PAK5: variants seen among roughly 807,000 people sequenced by gnomAD.
PAK5 encodes the protein serine/threonine-protein kinase PAK 5.
Under a neutral mutation model 65.9 loss-of-function variants are expected in PAK5, and 16 were observed. That is an observed-to-expected ratio of 0.24 (90% CI 0.16 to 0.37). The LOEUF is 0.37. Among genes scored for constraint, PAK5 ranks in the 10% least tolerant of loss-of-function variants. The pLI, the probability that PAK5 is intolerant of heterozygous loss-of-function variation, is 1.00. For synonymous variants in PAK5, 371 were observed against 354.9 expected (o/e 1.05, Z -0.51); for missense variants, 785 against 903.9 (o/e 0.87, Z 1.69).
intron 1 of PAK5, among the ~76,000 whole-genome samples, chr20:9,771,762 G>A (rs1049967015): frequency 2.6e-5 from 4 of 151,960 alleles, no homozygotes; most frequent in African/African-American, 9.7e-5. Flanking sequence ...TTGCCATCAA[G>A]GAACAGTGGC....
intron 3 of PAK5, among the ~76,000 whole-genome samples, chr20:9,620,359 G>C (rs912129315): frequency 1.3e-5 from 2 of 152,262 alleles, no homozygotes; most frequent in Non-Finnish European, 2.9e-5. Flanking sequence ...GGTCTCTTCA[G>C]AAGGATTGCG....
Position 9,643,994 on chromosome 20 carries a change from A to G in PAK5, c.204+131T>C, listed in dbSNP as rs1385221868. On this transcript the variant is annotated intron_variant, in intron 3 of 9. Coordinates refer to ENST00000353224, the MANE Select transcript of PAK5 (RefSeq NM_177990.4). ...TGAAAATTATAATCATGAAAGAATA[A>G]TTGTGAATAATCTGTGAATGTTAAA... 8.7e-6 allele frequency: 6 copies of G among 689,756 alleles called. No individual in the cohort carries two copies. The African/African-American group carries it at 1.1e-4, about 13-fold the overall frequency. 42.7% of individuals were successfully genotyped at this position (689,756 alleles called of 1,614,324 possible).
intron 3 of PAK5, among the ~76,000 whole-genome samples, chr20:9,615,956 C>A (rs553016353): frequency 6.6e-6 from 1 of 152,140 alleles, no homozygotes; most frequent in Admixed American, 6.5e-5. Flanking sequence ...CCAAGAAAAC[C>A]GGTGAAAGCT....
chr20:9,691,229 G>A (rs915148109), intron 2 of PAK5, among the ~76,000 whole-genome samples: 1 of 152,128 alleles, frequency 6.6e-6, no homozygotes, highest in African/African-American at 2.4e-5. Context: ...AAACGCAGGG[G>A]TCCCTGAGTT....
intron 2 of PAK5, among the ~76,000 whole-genome samples, chr20:9,706,003 T>C (rs1216871721): frequency 6.6e-6 from 1 of 152,118 alleles, no homozygotes; most frequent in Non-Finnish European, 1.5e-5. Context: ...TGAAAGTGGC[T>C]AGGGAAAACT....
At chr20:9,700,555 G>A (rs143970719) in intron 2 of PAK5, among the ~76,000 whole-genome samples, 102 of 152,188 alleles carry the variant, frequency 6.7e-4, no homozygotes, top group East Asian at 3.7e-3. Flanking sequence ...TTTTCCTTGG[G>A]TATACACTTA....
At position 9,569,055 on chromosome 20, in the gene PAK5, A is replaced by T. The variant is rs796393754; in HGVS notation, c.991-2671T>A. Among the ~76,000 whole-genome samples the T allele has an allele frequency of 8.5e-5, 13 of 152,338 alleles. No individual in the cohort carries two copies. In the East Asian group the frequency reaches 2.3e-3, roughly 27 times the overall value. Reference sequence around the variant, plus strand: ...GAGAGATTCCAAGACAGAACCAATCAATCAGCTAAGCCCTCTCAATTTGTG... The same window carrying T: ...GAGAGATTCCAAGACAGAACCAATCTATCAGCTAAGCCCTCTCAATTTGTG... On this transcript the variant is annotated intron_variant, in intron 4 of 9. Coordinates refer to ENST00000353224, the MANE Select transcript of PAK5 (RefSeq NM_177990.4).
intron 1 of PAK5, among the ~76,000 whole-genome samples, chr20:9,832,830 T>C (rs1171671640): frequency 6.6e-6 from 1 of 152,218 alleles, no homozygotes; most frequent in African/African-American, 2.4e-5. Flanking sequence ...AATTATGCAT[T>C]CAGATATTTG....
At chr20:9,812,994 C>T in intron 1 of PAK5, among the ~76,000 whole-genome samples, 1 of 151,986 alleles carries the variant, frequency 6.6e-6, no homozygotes. Context: ...TAACTTAAAG[C>T]TAAAAAATCT....
intron 1 of PAK5, among the ~76,000 whole-genome samples, chr20:9,798,300 G>T (rs1374623608): frequency 6.6e-6 from 1 of 152,118 alleles, no homozygotes; most frequent in Non-Finnish European, 1.5e-5. Context: ...GTAAAGATGG[G>T]AAATCCTAGA....
At chr20:9,761,618 G>A (rs993271745) in intron 1 of PAK5, among the ~76,000 whole-genome samples, 1 of 152,100 alleles carries the variant, frequency 6.6e-6, no homozygotes, top group African/African-American at 2.4e-5. Flanking sequence ...GAAGGCTGGA[G>A]GCACCATACT....
intron 2 of PAK5, among the ~76,000 whole-genome samples, chr20:9,699,612 G>A (rs1261430943): frequency 6.9e-6 from 1 of 145,436 alleles, no homozygotes; most frequent in Non-Finnish European, 1.5e-5. Flanking sequence ...TGGGGAAGAT[G>A]TGAGATCAAC....
At chr20:9,669,501 T>C (rs1047334241) in intron 2 of PAK5, among the ~76,000 whole-genome samples, 1 of 152,148 alleles carries the variant, frequency 6.6e-6, no homozygotes, top group Non-Finnish European at 1.5e-5. Flanking sequence ...TAGAATTTCT[T>C]TTTGGATTAA....
chr20:9,574,587 AT>A (rs1387160584), intron 4 of PAK5, among the ~76,000 whole-genome samples: 1 of 152,166 alleles, frequency 6.6e-6, no homozygotes. Context: ...GGTTAAATTC[AT>A]TTTGTTTTTA....
intron 4 of PAK5, among the ~76,000 whole-genome samples, chr20:9,571,855 C>T (rs1232201853): frequency 8.9e-6 from 1 of 112,672 alleles, no homozygotes; most frequent in Non-Finnish European, 1.6e-5. Flanking sequence ...GAAAAATTCA[C>T]AGAGATAGGC....
intron 1 of PAK5, among the ~76,000 whole-genome samples, chr20:9,769,073 A>G (rs7270544): frequency 0.044 from 6,627 of 152,308 alleles, 484 homozygotes; most frequent in African/African-American, 0.15. Flanking sequence ...AATGACAAGC[A>G]TCCCTTTAAC....
chr20:9,709,518 C>T (rs2048051720), intron 2 of PAK5, among the ~76,000 whole-genome samples: 1 of 152,164 alleles, frequency 6.6e-6, no homozygotes, highest in Non-Finnish European at 1.5e-5. Context: ...CTGTGTGGTA[C>T]AAAATACCCC....
At chr20:9,710,179 T>C (rs769271726) in intron 2 of PAK5, among the ~76,000 whole-genome samples, 3 of 152,148 alleles carry the variant, frequency 2.0e-5, no homozygotes, top group Non-Finnish European at 2.9e-5. Flanking sequence ...TCTCAGTGGC[T>C]TGAGCAACAA....
At chr20:9,678,612 T>C (rs1167653651) in intron 2 of PAK5, among the ~76,000 whole-genome samples, 8 of 151,886 alleles carry the variant, frequency 5.3e-5, no homozygotes, top group Non-Finnish European at 1.2e-4. Context: ...GGGTAGTTTA[T>C]AAAGAAAAGA....
Sources: gnomAD v4.1 joint callset for allele counts (sites outside exome capture counted in the v4.1 genomes callset) on GRCh38, gnomAD v4.1.1 for gene constraint, MANE v1.5 for transcripts, NCBI Gene and HGNC (gene_info 2026-07-23, HGNC 2026-07-21) for gene names.